The following CTNNA2 variants were observed in gnomAD, a reference collection of about 807,000 sequenced individuals.
CTNNA2 encodes catenin alpha-2.
A neutral mutation model predicts 101.0 loss-of-function variants in CTNNA2; 42 were observed. The ratio of observed to expected loss-of-function variants is 0.42; its 90% CI spans 0.32 to 0.54. CTNNA2 has a LOEUF of 0.54. Among genes scored for constraint, CTNNA2 ranks in the 20% least tolerant of loss-of-function variants. The pLI, the probability that CTNNA2 is intolerant of heterozygous loss-of-function variation, is 0.14. For synonymous variants in CTNNA2, 450 were observed against 456.4 expected, an observed-to-expected ratio of 0.99 and a Z score of 0.18; for missense variants, 871 against 1,223.1, an observed-to-expected ratio of 0.71 and a Z score of 4.29.
intron 4 of CTNNA2, among the ~76,000 whole-genome samples, chr2:79,477,168 C>CTTTTTTTTTTTTTTTT (rs5832392): frequency 8.9e-5 from 11 of 123,146 alleles, no homozygotes; most frequent in Non-Finnish European, 1.3e-4. Flanking sequence ...TCTTTTTTTT[C>CTTTTTTTTTTTTTTTT]TTTTTTTTTT....
intron 12 of CTNNA2, among the ~76,000 whole-genome samples, chr2:80,568,735 G>T (rs1207987850): frequency 6.6e-6 from 1 of 152,172 alleles, no homozygotes; most frequent in African/African-American, 2.4e-5. Context: ...CTGGGCCAAA[G>T]ACGAGTATGT....
intron 7 of CTNNA2, among the ~76,000 whole-genome samples, chr2:79,979,960 G>A (rs1467538131): frequency 6.6e-6 from 1 of 152,134 alleles, no homozygotes; most frequent in South Asian, 2.1e-4. Flanking sequence ...GAGACTTTGT[G>A]TTCTCATCTA....
chr2:80,250,836 T>G (rs2149106244), intron 7 of CTNNA2, among the ~76,000 whole-genome samples: 1 of 152,198 alleles, frequency 6.6e-6, no homozygotes, highest in Middle Eastern at 3.4e-3. Context: ...GCTATACAAT[T>G]TAGGGAAATG....
At chr2:79,337,636 C>T (rs894432284) in intron 3 of CTNNA2, among the ~76,000 whole-genome samples, 3 of 152,148 alleles carry the variant, frequency 2.0e-5, no homozygotes, top group African/African-American at 7.2e-5. Flanking sequence ...TATAGATTCT[C>T]TTAATCTAAT....
At chr2:79,201,428 A>C (rs750032903) in intron 2 of CTNNA2, among the ~76,000 whole-genome samples, 6 of 138,328 alleles carry the variant, frequency 4.3e-5, no homozygotes, top group African/African-American at 8.3e-5. Context: ...TAGAAGCAGG[A>C]AAAAACTCAA....
intron 7 of CTNNA2, among the ~76,000 whole-genome samples, chr2:80,269,977 A>G (rs567738290): frequency 2.0e-5 from 3 of 152,306 alleles, no homozygotes; most frequent in Admixed American, 6.5e-5. Context: ...GTCTCACCTA[A>G]TAAACCAGGG....
intron 16 of CTNNA2, 75 bp downstream of exon 16, chr2:80,604,254 A>C (rs1029231709): frequency 9.1e-7 from 1 of 1,102,882 alleles, no homozygotes; most frequent in Non-Finnish European, 1.4e-6. Flanking sequence ...AACTAGTTTT[A>C]TGCACCCTAT....
chr2:79,458,992 GA>G (rs1282927853), intron 4 of CTNNA2, among the ~76,000 whole-genome samples: 1 of 151,986 alleles, frequency 6.6e-6, no homozygotes, highest in Non-Finnish European at 1.5e-5. Context: ...ATGAAAAAAA[GA>G]AATGGATAAA....
intron 2 of CTNNA2, among the ~76,000 whole-genome samples, chr2:79,658,520 T>C (rs772068256): frequency 6.6e-6 from 1 of 151,988 alleles, no homozygotes; most frequent in Non-Finnish European, 1.5e-5. Flanking sequence ...TTAATGGAGA[T>C]TTATAAAAAC....
At chr2:80,005,829 T>G (rs553084872) in intron 7 of CTNNA2, among the ~76,000 whole-genome samples, 1 of 151,920 alleles carries the variant, frequency 6.6e-6, no homozygotes, top group African/African-American at 2.4e-5. Context: ...ATATCAGTGG[T>G]TTTCAAGCTA....
chr2:80,132,070 A>C (rs1299025260), intron 7 of CTNNA2, among the ~76,000 whole-genome samples: 1 of 152,122 alleles, frequency 6.6e-6, no homozygotes, highest in Non-Finnish European at 1.5e-5. Flanking sequence ...GACAAGAGTG[A>C]AACTCTGTCT....
intron 1 of CTNNA2, among the ~76,000 whole-genome samples, chr2:79,597,772 T>C (rs982222220): frequency 8.5e-5 from 13 of 152,184 alleles, no homozygotes; most frequent in African/African-American, 2.9e-4. Context: ...TTGAAGAACC[T>C]ACACTGATGC....
intron 2 of CTNNA2, among the ~76,000 whole-genome samples, chr2:79,215,995 T>A (rs1262447400): frequency 1.3e-5 from 2 of 150,720 alleles, no homozygotes; most frequent in East Asian, 3.9e-4. Context: ...GAAGGAAGAT[T>A]TGGGACGAGT....
intron 4 of CTNNA2, among the ~76,000 whole-genome samples, chr2:79,400,288 GC>G (rs967961382): frequency 6.6e-6 from 1 of 151,912 alleles, no homozygotes; most frequent in African/African-American, 2.4e-5. Flanking sequence ...GAGGTATGTA[GC>G]TTTTTTATCT....
chr2:79,402,966 G>C (rs1306015693), intron 4 of CTNNA2, among the ~76,000 whole-genome samples: 1 of 151,718 alleles, frequency 6.6e-6, no homozygotes, highest in Non-Finnish European at 1.5e-5. Flanking sequence ...AGCCAAAGCA[G>C]TACTTAGAAG....
intron 4 of CTNNA2, among the ~76,000 whole-genome samples, chr2:79,863,549 A>G (rs1186880859): frequency 6.6e-6 from 1 of 152,220 alleles, no homozygotes; most frequent in Non-Finnish European, 1.5e-5. Context: ...CATTCTGTCC[A>G]ATGATGACAA....
intron 3 of CTNNA2, among the ~76,000 whole-genome samples, chr2:79,812,712 G>A (rs1677147663): frequency 6.6e-6 from 1 of 152,100 alleles, no homozygotes; most frequent in Non-Finnish European, 1.5e-5. Context: ...GATATTTGTA[G>A]TAAATGCTGT....
In CTNNA2 at chr2:79,919,425, C is replaced by A. The variant is rs576130183; in HGVS notation, c.1056+9628C>A. 4.3e-4 allele frequency among the ~76,000 whole-genome samples: 66 copies of A among 152,292 alleles called. 1 individual carries two copies. Among genetic ancestry groups the A allele is most frequent in the African/African-American group, 1.5e-3 (61 of 41,564 alleles). On this transcript the variant is annotated intron_variant, in intron 7 of 18. Transcript: ENST00000402739. ...CTTATCAAACAAACTCCTTACTGAG[C>A]CCTTGAAAGGTGGTTCGGTCAATAG...
intron 3 of CTNNA2, among the ~76,000 whole-genome samples, chr2:79,326,958 G>A (rs1676761863): frequency 6.6e-6 from 1 of 152,084 alleles, no homozygotes; most frequent in Non-Finnish European, 1.5e-5. Context: ...TGGTGGCCTG[G>A]GCTCCCATCT....
Sources: gnomAD v4.1 joint callset for allele counts (sites outside exome capture counted in the v4.1 genomes callset) on GRCh38, gnomAD v4.1.1 for gene constraint, MANE v1.5 for transcripts, NCBI Gene and HGNC (gene_info 2026-07-23, HGNC 2026-07-21) for gene names.